ZNF536: variants seen among roughly 807,000 people sequenced by gnomAD.
The protein encoded by ZNF536 is zinc finger protein 536.
ZNF536 carries 13 observed loss-of-function variants against 84.5 expected under a neutral mutation model. That is an observed-to-expected ratio of 0.15 (90% CI 0.10 to 0.24). The LOEUF is 0.24. Among genes scored for constraint, ZNF536 ranks in the 10% least tolerant of loss-of-function variants. The pLI, the probability that ZNF536 is intolerant of heterozygous loss-of-function variation, is 1.00. For synonymous variants in ZNF536, 811 were observed against 742.5 expected, an observed-to-expected ratio of 1.09 and a Z score of -1.50; for missense variants, 1,536 against 1,747.5, an observed-to-expected ratio of 0.88 and a Z score of 2.16.
Position 30,445,877 on chromosome 19 carries a change from T to G in ZNF536, c.2170+145T>G, listed in dbSNP as rs1445091664. 8.7e-7 allele frequency: 1 copy of G among 1,153,342 alleles called. No homozygotes were observed. 71.4% of individuals were successfully genotyped at this position (1,153,342 alleles called of 1,614,324 possible). ...GGTGGGTTGGACACTGGGCCATGCC[T>G]TTCTTTCCCCCCCTGACTGGAGGGA... On this transcript the variant is annotated intron_variant, in intron 2 of 4. Transcript: ENST00000355537. This position sits in a 1 kb window ranked among gnomAD's most constrained non-coding sequence, Gnocchi z 4.5.
At chr19:30,490,264 G>A (rs985498555) in intron 2 of ZNF536, among the ~76,000 whole-genome samples, 1 of 152,168 alleles carries the variant, frequency 6.6e-6, no homozygotes, top group Non-Finnish European at 1.5e-5. Flanking sequence ...CCCTAGAATG[G>A]TGAGATGACT....
intron 2 of ZNF536, among the ~76,000 whole-genome samples, chr19:30,287,053 G>C (rs1456300349): frequency 6.6e-6 from 1 of 152,226 alleles, no homozygotes; most frequent in African/African-American, 2.4e-5. Flanking sequence ...CTGGTTTCTG[G>C]TCTGTCTCTC....
chr19:30,587,383 C>G (rs1212728611), intron 1 of ZNF536, among the ~76,000 whole-genome samples: 1 of 152,154 alleles, frequency 6.6e-6, no homozygotes, highest in East Asian at 1.9e-4. Context: ...TGCATTTTCC[C>G]AACTAAATCA....
At chr19:30,519,439 T>C (rs1029170325) in intron 2 of ZNF536, among the ~76,000 whole-genome samples, 1 of 152,184 alleles carries the variant, frequency 6.6e-6, no homozygotes, top group African/African-American at 2.4e-5. Flanking sequence ...GTGGGAGCCC[T>C]GCACTCTCTC....
chr19:30,512,814 T>TAAGTAAGAGG (rs1369345057), intron 2 of ZNF536, among the ~76,000 whole-genome samples: 7 of 152,220 alleles, frequency 4.6e-5, no homozygotes, highest in African/African-American at 1.7e-4. Flanking sequence ...CGAATTACTT[T>TAAGTAAGAGG]CTAGCAATCT....
At chr19:30,552,033 GT>G (rs113067956) in intron 4 of ZNF536, among the ~76,000 whole-genome samples, 70 of 149,336 alleles carry the variant, frequency 4.7e-4, no homozygotes, top group African/African-American at 1.5e-3. Context: ...CAAATGGGCT[GT>G]TTTTTTTTTC....
At chr19:30,673,897 C>T (rs1568659388) in intron 1 of ZNF536, among the ~76,000 whole-genome samples, 2 of 152,106 alleles carry the variant, frequency 1.3e-5, no homozygotes, top group African/African-American at 2.4e-5. Flanking sequence ...GGTTCTGTAG[C>T]GAGTCATATT....
At chr19:30,285,672 C>A (rs2045600792) in intron 2 of ZNF536, among the ~76,000 whole-genome samples, 1 of 152,202 alleles carries the variant, frequency 6.6e-6, no homozygotes, top group South Asian at 2.1e-4. Context: ...TGTGGCCAAG[C>A]CTCTCTGGGT....
chr19:30,226,433 C>T (rs1470920741), upstream of ZNF536, among the ~76,000 whole-genome samples: 2 of 151,512 alleles, frequency 1.3e-5, no homozygotes, highest in Non-Finnish European at 2.9e-5. The surrounding 1 kb of genome is among the most constrained non-coding windows in gnomAD (Gnocchi z 4.6). Context: ...CTGATGCTTA[C>T]AATGTGTCAA....
intron 1 of ZNF536, among the ~76,000 whole-genome samples, chr19:30,255,169 T>C (rs868184596): frequency 6.6e-6 from 1 of 152,124 alleles, no homozygotes; most frequent in Non-Finnish European, 1.5e-5. Flanking sequence ...ATTCCCCCCC[T>C]TTTTTTCATT....
intron 2 of ZNF536, among the ~76,000 whole-genome samples, chr19:30,315,314 T>A (rs1357158155): frequency 6.6e-6 from 1 of 151,532 alleles, no homozygotes; most frequent in East Asian, 1.9e-4. Flanking sequence ...GTGAAAGGAG[T>A]TATTGAGAGT....
intron 2 of ZNF536, among the ~76,000 whole-genome samples, chr19:30,325,153 T>C (rs8100441): frequency 0.64 from 97,284 of 152,104 alleles, 31,848 homozygotes; most frequent in East Asian, 0.79. Context: ...TGTGGAGGGG[T>C]TGGTGTCAAG....
intron 1 of ZNF536, among the ~76,000 whole-genome samples, chr19:30,442,477 C>T (rs1331018856): frequency 6.6e-6 from 1 of 152,218 alleles, no homozygotes; most frequent in Non-Finnish European, 1.5e-5. Flanking sequence ...GTTGAGACTT[C>T]CTATGGCATC....
At chr19:30,317,350 AC>A (rs947795866) in intron 2 of ZNF536, among the ~76,000 whole-genome samples, 1 of 151,992 alleles carries the variant, frequency 6.6e-6, no homozygotes, top group African/African-American at 2.4e-5. Context: ...ATCTCAAGCC[AC>A]CCCCCAGGCA....
At chr19:30,619,378 A>G (rs1231112747) in intron 1 of ZNF536, among the ~76,000 whole-genome samples, 1 of 152,234 alleles carries the variant, frequency 6.6e-6, no homozygotes, top group Non-Finnish European at 1.5e-5. Context: ...GTCTGGATCC[A>G]AAATGAGATT....
chr19:30,636,493 C>T (rs2049070339), intron 1 of ZNF536, among the ~76,000 whole-genome samples: 1 of 152,152 alleles, frequency 6.6e-6, no homozygotes, highest in Non-Finnish European at 1.5e-5. Context: ...CTCCCTCCTT[C>T]CTTCCTGGGG....
intron 2 of ZNF536, among the ~76,000 whole-genome samples, chr19:30,485,849 G>A (rs1167717182): frequency 6.6e-6 from 1 of 151,762 alleles, no homozygotes; most frequent in Admixed American, 6.6e-5. Context: ...CTTAATTTGG[G>A]ATACCTCATT....
intron 2 of ZNF536, among the ~76,000 whole-genome samples, chr19:30,530,676 C>T (rs2044770038): frequency 6.6e-6 from 1 of 152,134 alleles, no homozygotes; most frequent in Admixed American, 6.5e-5. Flanking sequence ...TGCCTGCTTC[C>T]TGGAGTGGCT....
intron 3 of ZNF536, among the ~76,000 whole-genome samples, chr19:30,535,505 TGTGGC>T (rs2045033453): frequency 6.6e-6 from 1 of 152,126 alleles, no homozygotes; most frequent in African/African-American, 2.4e-5. Context: ...CGTCACTCCA[TGTGGC>T]GTGGTGGAAA....
Sources: gnomAD v4.1 joint callset for allele counts (sites outside exome capture counted in the v4.1 genomes callset) on GRCh38, gnomAD v4.1.1 for gene constraint, Gnocchi (gnomAD v3.1) non-coding constraint, MANE v1.5 for transcripts, NCBI Gene and HGNC (gene_info 2026-07-23, HGNC 2026-07-21) for gene names.